Variants in ADGRV1 observed in about 807,000 individuals in gnomAD.
ADGRV1 encodes adhesion G protein-coupled receptor V1.
Under a neutral mutation model 596.2 loss-of-function variants are expected in ADGRV1, and 359 were observed. That is an observed-to-expected ratio of 0.60 (90% CI 0.55 to 0.66). The LOEUF (loss-of-function observed/expected upper bound fraction) is 0.66. Ranked by LOEUF, ADGRV1 falls within the 30% of genes least tolerant of loss-of-function variation. ADGRV1 has a pLI of 0.00. For synonymous variants in ADGRV1, 2,681 were observed against 2,679.2 expected, an observed-to-expected ratio of 1.00 and a Z score of -0.02; for missense variants, 7,274 against 7,575.6, an observed-to-expected ratio of 0.96 and a Z score of 1.48.
intron 17 of ADGRV1, among the ~76,000 whole-genome samples, chr5:90,650,810 G>A (rs574444372): frequency 6.6e-6 from 1 of 152,312 alleles, no homozygotes; most frequent in South Asian, 2.1e-4. Context: ...GCACACTGGA[G>A]AGGCACTTAG....
At chr5:90,596,971 GAAT>G (rs1396300046) in intron 1 of ADGRV1, among the ~76,000 whole-genome samples, 1 of 152,158 alleles carries the variant, frequency 6.6e-6, no homozygotes. Flanking sequence ...ATAAGACAAA[GAAT>G]AATATTACAG....
At chr5:90,853,069 A>T (rs543349583) in intron 79 of ADGRV1, among the ~76,000 whole-genome samples, 2 of 152,284 alleles carry the variant, frequency 1.3e-5, no homozygotes, top group African/African-American at 4.8e-5. Context: ...TACTAGGAGG[A>T]TCAAGCAAGA....
chr5:90,648,719 G>C (rs942657349), intron 17 of ADGRV1, among the ~76,000 whole-genome samples: 3 of 151,906 alleles, frequency 2.0e-5, no homozygotes, highest in African/African-American at 7.3e-5. Flanking sequence ...TTCTCCTTTT[G>C]TCTTTCTCTG....
Position 90,759,460 on chromosome 5 carries a change from A to G in ADGRV1, c.11992A>G (p.Thr3998Ala). 2 of 1,596,628 alleles carry G rather than the reference A, an allele frequency of 1.3e-6. No homozygotes were observed. The highest frequency in any genetic ancestry group is 1.7e-6 in the Non-Finnish European group (2 of 1,170,402). The change falls in exon 58 of 90, where the codon ACA (threonine) becomes GCA (alanine). Residue 3998 changes from threonine to alanine, a missense_variant. Physicochemically the swap from Thr to Ala is moderately conservative, Grantham distance 58. This residue lies in a region of ADGRV1 where 3,643 missense variants were observed against 3,809.2 expected (regional missense o/e 0.96). Coordinates refer to ENST00000405460, the MANE Select transcript of ADGRV1 (RefSeq NM_032119.4). ...TIIDDAEFEL[T>A]ETFNISLISV... ...AATTGATGATGCTGAATTTGAATTG[A>G]CAGAGACGTTCAATATTTCCTTGAT...
chr5:90,730,548 T>C (rs1752423330), intron 50 of ADGRV1, among the ~76,000 whole-genome samples: 1 of 152,214 alleles, frequency 6.6e-6, no homozygotes, highest in Non-Finnish European at 1.5e-5. Context: ...TGGTCTTCTG[T>C]ACTTTAATCC....
At chr5:90,875,800 A>G (rs557076809) in intron 83 of ADGRV1, among the ~76,000 whole-genome samples, 1 of 152,208 alleles carries the variant, frequency 6.6e-6, no homozygotes, top group Non-Finnish European at 1.5e-5. Context: ...AAGTTTTCCT[A>G]AGTAATGTCT....
intron 1 of ADGRV1, among the ~76,000 whole-genome samples, chr5:90,598,995 A>C (rs749717959): frequency 2.0e-5 from 3 of 152,000 alleles, no homozygotes; most frequent in Admixed American, 6.5e-5. Context: ...AAACAAAAAA[A>C]CCCACCAAAT....
chr5:90,725,975 A>G (rs1235184232), intron 48 of ADGRV1, among the ~76,000 whole-genome samples: 2 of 152,218 alleles, frequency 1.3e-5, no homozygotes, highest in Non-Finnish European at 1.5e-5. Flanking sequence ...CATGATTAGC[A>G]TTGCCACACA....
intron 83 of ADGRV1, among the ~76,000 whole-genome samples, chr5:90,952,193 A>T (rs1182772821): frequency 1.3e-5 from 2 of 152,128 alleles, no homozygotes; most frequent in East Asian, 3.9e-4. Context: ...CTCCACTGCT[A>T]ATTTCTATGA....
chr5:90,572,719 A>G (rs1723270750), intron 1 of ADGRV1, among the ~76,000 whole-genome samples: 1 of 152,042 alleles, frequency 6.6e-6, no homozygotes, highest in South Asian at 2.1e-4. Context: ...AAGAGTGAAT[A>G]ATTTTCAAAG....
At chr5:90,823,635 T>G in intron 76 of ADGRV1, 39 bp downstream of exon 76, 1 of 1,523,078 alleles carries the variant, frequency 6.6e-7, no homozygotes, top group Non-Finnish European at 9.1e-7. Flanking sequence ...AACTTCTAAT[T>G]ATATTTCTTT....
chr5:91,128,660 C>A (rs1305201335), intron 87 of ADGRV1, among the ~76,000 whole-genome samples: 1 of 152,152 alleles, frequency 6.6e-6, no homozygotes, highest in Admixed American at 6.5e-5. Context: ...CCCATACACA[C>A]CCTGGAAAAA....
intron 85 of ADGRV1, among the ~76,000 whole-genome samples, chr5:91,040,662 A>ATG (rs939179223): frequency 6.6e-6 from 1 of 152,218 alleles, no homozygotes; most frequent in African/African-American, 2.4e-5. Flanking sequence ...TAGAAGCTAG[A>ATG]TGTGCTAAGT....
At chr5:90,695,473 C>CA (rs962879661) in intron 33 of ADGRV1, among the ~76,000 whole-genome samples, 35 of 151,320 alleles carry the variant, frequency 2.3e-4, no homozygotes, top group African/African-American at 7.8e-4. Flanking sequence ...ATATATTCCA[C>CA]AAAATTTTAA....
At chr5:90,682,984 T>G (rs1040676576) in intron 27 of ADGRV1, among the ~76,000 whole-genome samples, 10 of 152,214 alleles carry the variant, frequency 6.6e-5, no homozygotes, top group Non-Finnish European at 1.2e-4. Context: ...TACAGATCAC[T>G]TTTCAGAAAA....
intron 83 of ADGRV1, among the ~76,000 whole-genome samples, chr5:90,907,181 A>G (rs910370389): frequency 6.6e-6 from 1 of 152,300 alleles, no homozygotes; most frequent in African/African-American, 2.4e-5. Flanking sequence ...CATGGTGTAC[A>G]TATTTTATAT....
At chr5:90,696,766 A>T (rs1430423589) in intron 33 of ADGRV1, among the ~76,000 whole-genome samples, 171 bp from the exon 34 acceptor site, 1 of 149,522 alleles carries the variant, frequency 6.7e-6, no homozygotes, top group African/African-American at 2.4e-5. Context: ...ATGTGAAAAG[A>T]TATATATATA....
At chr5:90,708,017 C>A (rs1748839660) in intron 38 of ADGRV1, among the ~76,000 whole-genome samples, 1 of 152,082 alleles carries the variant, frequency 6.6e-6, no homozygotes, top group Admixed American at 6.6e-5. Context: ...CCATGATTTT[C>A]ACTTATATTT....
intron 85 of ADGRV1, among the ~76,000 whole-genome samples, chr5:91,071,913 G>A (rs568431523): frequency 1.3e-5 from 2 of 152,192 alleles, no homozygotes; most frequent in African/African-American, 2.4e-5. Context: ...CTGATCTCAG[G>A]GGATCTGCCT....
Sources: gnomAD v4.1 joint callset for allele counts (sites outside exome capture counted in the v4.1 genomes callset) on GRCh38, gnomAD v4.1.1 for gene constraint, gnomAD v4.1.1 regional missense constraint, MANE v1.5 for transcripts, NCBI Gene and HGNC (gene_info 2026-07-23, HGNC 2026-07-21) for gene names.